Variants in STAU2 observed in about 807,000 individuals in gnomAD.
STAU2 encodes double-stranded RNA-binding protein Staufen homolog 2.
A neutral mutation model predicts 65.9 loss-of-function variants in STAU2; 20 were observed. The ratio of observed to expected loss-of-function variants is 0.30; its 90% CI spans 0.21 to 0.44. The LOEUF is 0.44. STAU2 is among the 20% of genes least tolerant of loss of function. The pLI, the probability that STAU2 is intolerant of heterozygous loss-of-function variation, is 1.00. For synonymous variants in STAU2, 232 were observed against 233.9 expected (o/e 0.99, Z 0.07); for missense variants, 558 against 683.9 (o/e 0.82, Z 2.05).
At chr8:73,600,733 T>A (rs1446562420) in intron 10 of STAU2, among the ~76,000 whole-genome samples, 1 of 152,214 alleles carries the variant, frequency 6.6e-6, no homozygotes, top group Non-Finnish European at 1.5e-5. Context: ...ATTCACCTTG[T>A]CTCTCCGTCT....
At chr8:73,502,954 T>C (rs1821847969) in intron 13 of STAU2, among the ~76,000 whole-genome samples, 1 of 152,122 alleles carries the variant, frequency 6.6e-6, no homozygotes, top group South Asian at 2.1e-4. Context: ...TTTATTCTTA[T>C]TTGAGCAATC....
intron 13 of STAU2, among the ~76,000 whole-genome samples, chr8:73,452,908 T>C (rs971897338): frequency 5.3e-5 from 8 of 152,166 alleles, no homozygotes; most frequent in Admixed American, 2.0e-4. Flanking sequence ...AGTCGGTGGA[T>C]TGATGGTTTG....
chr8:73,455,452 C>A (rs1308792695), intron 13 of STAU2, among the ~76,000 whole-genome samples: 1 of 152,132 alleles, frequency 6.6e-6, no homozygotes, highest in Non-Finnish European at 1.5e-5. Context: ...CTGCAGCAGA[C>A]ACTGACACCA....
chr8:73,569,883 T>A (rs999431631), intron 12 of STAU2, among the ~76,000 whole-genome samples: 1 of 151,994 alleles, frequency 6.6e-6, no homozygotes, highest in Non-Finnish European at 1.5e-5. Flanking sequence ...AAGCTGAAAA[T>A]TCTAAAAATC....
At chr8:73,525,918 A>G (rs1805416215) in intron 13 of STAU2, among the ~76,000 whole-genome samples, 1 of 152,222 alleles carries the variant, frequency 6.6e-6, no homozygotes, top group Non-Finnish European at 1.5e-5. Context: ...ATGTATCCTT[A>G]GCACCTAGCA....
chr8:73,587,846 ATT>A (rs1435278273), intron 11 of STAU2, among the ~76,000 whole-genome samples: 2 of 152,118 alleles, frequency 1.3e-5, no homozygotes, highest in Non-Finnish European at 1.5e-5. Context: ...AGAACAGGAT[ATT>A]TTGGTATTTT....
chr8:73,639,927 G>T (rs1018723844), intron 6 of STAU2, among the ~76,000 whole-genome samples: 1 of 152,010 alleles, frequency 6.6e-6, no homozygotes, highest in Admixed American at 6.6e-5. Context: ...AAATCAAAGA[G>T]GTGAAGTATT....
chr8:73,662,771 C>T (rs1361402667), intron 6 of STAU2, among the ~76,000 whole-genome samples: 3 of 152,150 alleles, frequency 2.0e-5, no homozygotes, highest in Admixed American at 6.5e-5. Flanking sequence ...CATGCGCCAC[C>T]ATGCCAGGCT....
chr8:73,500,300 C>T lies in STAU2; in HGVS notation c.1530+51712G>A, dbSNP rs73322851. 9.4e-3 allele frequency among the ~76,000 whole-genome samples: 1,424 copies of T among 151,958 alleles called. 22 individuals carry two copies. Among genetic ancestry groups the T allele is most frequent in the African/African-American group, 0.033 (1,355 of 41,482 alleles). On this transcript the variant is annotated intron_variant, in intron 13 of 14. Coordinates refer to ENST00000524300, the MANE Select transcript of STAU2 (RefSeq NM_001164380.2). The stretch of plus-strand genomic sequence containing the variant: ...ATTACCTCTAGATTACTTATAATAC[C>T]GAATACAATGCCTACCTACCACTTC...
At chr8:73,677,816 G>A (rs569450075) in intron 5 of STAU2, among the ~76,000 whole-genome samples, 1 of 152,006 alleles carries the variant, frequency 6.6e-6, no homozygotes, top group Admixed American at 6.5e-5. Flanking sequence ...CCAAATAATC[G>A]ATTCATTCTC....
chr8:73,676,574 A>T (rs1478031692), intron 5 of STAU2, among the ~76,000 whole-genome samples: 1 of 152,144 alleles, frequency 6.6e-6, no homozygotes, highest in Non-Finnish European at 1.5e-5. Context: ...AGCTTCCACT[A>T]AACAAGAATT....
At chr8:73,430,060 C>G (rs1012230168) in intron 13 of STAU2, among the ~76,000 whole-genome samples, 3 of 152,174 alleles carry the variant, frequency 2.0e-5, no homozygotes, top group African/African-American at 7.2e-5. Context: ...TTTTGTTACC[C>G]AGTGGCCAGA....
At chr8:73,501,287 T>C (rs960813421) in intron 13 of STAU2, among the ~76,000 whole-genome samples, 19 of 151,938 alleles carry the variant, frequency 1.3e-4, no homozygotes, top group Non-Finnish European at 2.8e-4. Flanking sequence ...CCATGTACTT[T>C]AGGCCTTCAA....
chr8:73,578,604 T>G (rs74935409), intron 12 of STAU2, among the ~76,000 whole-genome samples: 2,429 of 152,306 alleles, frequency 0.016, 34 homozygotes, highest in South Asian at 0.033. Context: ...ATGTTCCCAT[T>G]GCTCCCAATT....
intron 12 of STAU2, among the ~76,000 whole-genome samples, chr8:73,580,209 G>T (rs1487785738): frequency 6.6e-6 from 1 of 152,186 alleles, no homozygotes; most frequent in African/African-American, 2.4e-5. Flanking sequence ...AAAAACCATA[G>T]TGAGTTAGCC....
At chr8:73,532,362 C>T (rs971439607) in intron 13 of STAU2, among the ~76,000 whole-genome samples, 3 of 152,200 alleles carry the variant, frequency 2.0e-5, no homozygotes, top group Non-Finnish European at 4.4e-5. Flanking sequence ...TAAGCCTCCC[C>T]TTTTTAGGCC....
intron 12 of STAU2, among the ~76,000 whole-genome samples, chr8:73,556,104 C>T (rs1807745632): frequency 2.0e-5 from 3 of 152,010 alleles, no homozygotes; most frequent in Admixed American, 1.3e-4. Flanking sequence ...AAGTTAAATA[C>T]ATAGGAATAA....
In STAU2 at chr8:73,586,782, T is replaced by C. The variant is rs188404352; in HGVS notation, c.1162-3952A>G. 8.8e-4 allele frequency among the ~76,000 whole-genome samples: 134 copies of C among 151,710 alleles called. 1 individual carries two copies. The highest frequency in any genetic ancestry group is 3.1e-3 in the African/African-American group (128 of 41,388). The stretch of plus-strand genomic sequence containing the variant: ...GAAATCAAAAATAAAATAGCTGATG[T>C]GAAAATGTCAGAGAGGGACTAGAAA... On this transcript the variant is annotated intron_variant, in intron 11 of 14. Coordinates refer to ENST00000524300, the MANE Select transcript of STAU2 (RefSeq NM_001164380.2).
chr8:73,489,758 T>C (rs574051333), intron 13 of STAU2, among the ~76,000 whole-genome samples: 2 of 152,158 alleles, frequency 1.3e-5, no homozygotes, highest in East Asian at 3.9e-4. Context: ...AATTCAAAGG[T>C]GGTGAGCTAA....
Sources: allele counts gnomAD v4.1 joint callset (sites outside exome capture counted in the v4.1 genomes callset), GRCh38; gene constraint gnomAD v4.1.1; transcripts MANE v1.5; gene names NCBI Gene and HGNC (gene_info 2026-07-23, HGNC 2026-07-21).